Variants in GPHN observed in about 807,000 individuals in gnomAD.
GPHN encodes the protein gephyrin.
Under a neutral mutation model 95.5 loss-of-function variants are expected in GPHN, and 17 were observed. The ratio of observed to expected loss-of-function variants is 0.18; its 90% confidence interval spans 0.12 to 0.27. The LOEUF is 0.27. Among genes scored for constraint, GPHN ranks in the 10% least tolerant of loss-of-function variants. GPHN has a pLI of 1.00. For synonymous variants in GPHN, 320 were observed against 322.5 expected, an observed-to-expected ratio of 0.99 and a Z score of 0.08; for missense variants, 660 against 978.1, an observed-to-expected ratio of 0.67 and a Z score of 4.34.
chr14:66,796,838 G>C (rs551365297), intron 3 of GPHN, among the ~76,000 whole-genome samples: 19 of 151,914 alleles, frequency 1.3e-4, no homozygotes, highest in African/African-American at 3.6e-4. Context: ...ACTCCTATTT[G>C]TCCATTTTTG....
chr14:67,293,498 G>T, the GPHN span, among the ~76,000 whole-genome samples: 1 of 152,244 alleles, frequency 6.6e-6, no homozygotes, highest in Admixed American at 6.5e-5. Flanking sequence ...TATAAAATAG[G>T]TTAGAAGGTA....
chr14:66,813,307 A>G (rs1055353978), intron 3 of GPHN, among the ~76,000 whole-genome samples: 2 of 152,248 alleles, frequency 1.3e-5, no homozygotes, highest in Admixed American at 6.5e-5. Context: ...GACAAGTGGA[A>G]CAGCTCCCAT....
chr14:66,852,802 GTGAA>G (rs1283806519), intron 4 of GPHN, among the ~76,000 whole-genome samples: 2 of 152,114 alleles, frequency 1.3e-5, no homozygotes, highest in African/African-American at 4.8e-5. Context: ...AATAAAATTA[GTGAA>G]CTCTCATTTG....
chr14:67,534,829 G>A, the GPHN span, among the ~76,000 whole-genome samples: 7 of 152,130 alleles, frequency 4.6e-5, no homozygotes, highest in East Asian at 1.9e-4. Flanking sequence ...AATTTAAAGT[G>A]TACATCATTT....
intron 1 of GPHN, among the ~76,000 whole-genome samples, chr14:66,645,126 A>G (rs1336326143): frequency 6.6e-6 from 1 of 152,142 alleles, no homozygotes; most frequent in Non-Finnish European, 1.5e-5. Flanking sequence ...TGCACTTGTA[A>G]TTTTTAATTG....
intron 2 of GPHN, among the ~76,000 whole-genome samples, chr14:66,742,737 GT>G (rs997561120): frequency 5.3e-5 from 8 of 152,130 alleles, no homozygotes; most frequent in African/African-American, 1.7e-4. Context: ...GCCTTCATTT[GT>G]TTTTGTTCTT....
At chr14:66,871,326 T>C (rs1229019272) in intron 4 of GPHN, among the ~76,000 whole-genome samples, 1 of 152,264 alleles carries the variant, frequency 6.6e-6, no homozygotes, top group African/African-American at 2.4e-5. Flanking sequence ...TGTGCTACTA[T>C]ACTTTGGGAT....
chr14:66,701,222 A>T (rs1338758970), intron 2 of GPHN, among the ~76,000 whole-genome samples: 1 of 151,884 alleles, frequency 6.6e-6, no homozygotes, highest in Non-Finnish European at 1.5e-5. Flanking sequence ...ATAAAAATAC[A>T]TCTTACAAAA....
the GPHN span, chr14:67,198,323 A>T: frequency 6.2e-7 from 1 of 1,610,846 alleles, no homozygotes. Context: ...TTATCCAGGT[A>T]AATCATATTC....
At chr14:67,069,846 T>G (rs752132677) in intron 11 of GPHN, among the ~76,000 whole-genome samples, 30 of 152,228 alleles carry the variant, frequency 2.0e-4, no homozygotes, top group Non-Finnish European at 4.1e-4. Flanking sequence ...TTATTTTATT[T>G]TTTATTTTTG....
At chr14:66,729,449 G>A (rs780728330) in intron 2 of GPHN, among the ~76,000 whole-genome samples, 2 of 152,080 alleles carry the variant, frequency 1.3e-5, no homozygotes, top group Non-Finnish European at 2.9e-5. Context: ...AGCAAAACAA[G>A]CTGGATAAGT....
chr14:66,557,184 G>A (rs540242658), intron 1 of GPHN, among the ~76,000 whole-genome samples: 1 of 152,020 alleles, frequency 6.6e-6, no homozygotes, highest in East Asian at 1.9e-4. Context: ...TCCAGCCTGG[G>A]CAACAAAGCA....
intron 22 of GPHN, among the ~76,000 whole-genome samples, chr14:67,180,572 C>T (rs1229596581): frequency 6.6e-6 from 1 of 151,936 alleles, no homozygotes; most frequent in Non-Finnish European, 1.5e-5. Flanking sequence ...CTATAAAATC[C>T]TGGTTTTACT....
intron 2 of GPHN, among the ~76,000 whole-genome samples, chr14:66,749,975 C>T (rs2058307059): frequency 6.6e-6 from 1 of 151,738 alleles, no homozygotes; most frequent in Admixed American, 6.6e-5. Context: ...ATGCATTTAT[C>T]CTTTCTTTGT....
At chr14:67,052,235 A>G (rs1437624430) in intron 10 of GPHN, among the ~76,000 whole-genome samples, 1 of 152,190 alleles carries the variant, frequency 6.6e-6, no homozygotes, top group African/African-American at 2.4e-5. Flanking sequence ...AAAGACACAC[A>G]TAGGCTCAAA....
chr14:67,656,570 C>CT, the GPHN span: 1 of 1,608,626 alleles, frequency 6.2e-7, no homozygotes, highest in Non-Finnish European at 8.5e-7. Flanking sequence ...AAGCATTGCC[C>CT]TTTGAGACTG....
At chr14:66,668,906 A>G (rs563310015) in intron 1 of GPHN, among the ~76,000 whole-genome samples, 2 of 147,232 alleles carry the variant, frequency 1.4e-5, no homozygotes, top group South Asian at 2.2e-4. Flanking sequence ...TTTGAGACAG[A>G]GTGTCGCACT....
intron 2 of GPHN, among the ~76,000 whole-genome samples, chr14:66,724,556 T>C (rs1195425335): frequency 1.3e-5 from 2 of 152,048 alleles, no homozygotes; most frequent in Admixed American, 6.6e-5. Flanking sequence ...CAGGGGTAGA[T>C]AGAGGGATGC....
intron 4 of GPHN, among the ~76,000 whole-genome samples, chr14:66,864,722 G>A (rs1187201859): frequency 6.6e-6 from 1 of 151,950 alleles, no homozygotes. Flanking sequence ...GCAGTGAGCC[G>A]AGACTGTGCC....
Sources: gnomAD v4.1 joint callset for allele counts (sites outside exome capture counted in the v4.1 genomes callset) on GRCh38, gnomAD v4.1.1 for gene constraint, MANE v1.5 for transcripts, NCBI Gene and HGNC (gene_info 2026-07-23, HGNC 2026-07-21) for gene names.